Variants in RAI14 observed in about 807,000 individuals in gnomAD.
RAI14 encodes the protein ankycorbin.
A neutral mutation model predicts 115.4 loss-of-function variants in RAI14; 45 were observed. The ratio of observed to expected loss-of-function variants is 0.39; its 90% CI spans 0.31 to 0.50. RAI14 has a LOEUF of 0.50. RAI14 is among the 20% of genes least tolerant of loss of function. RAI14 has a pLI of 0.85. For missense variants in RAI14, 939 were observed against 1,131.2 expected (o/e 0.83, Z 2.44); for synonymous variants, 371 against 415.4 (o/e 0.89, Z 1.30).
intron 2 of RAI14, among the ~76,000 whole-genome samples, chr5:34,728,191 A>G (rs1743720126): frequency 6.6e-6 from 1 of 152,178 alleles, no homozygotes; most frequent in Admixed American, 6.5e-5. Context: ...CCCCCACTGT[A>G]TCTAGGAAGT....
intron 2 of RAI14, among the ~76,000 whole-genome samples, chr5:34,735,447 G>A (rs1259327576): frequency 6.6e-6 from 1 of 152,124 alleles, no homozygotes; most frequent in Non-Finnish European, 1.5e-5. Context: ...CATCATCTCT[G>A]AGTGTTAAAG....
intron 2 of RAI14, among the ~76,000 whole-genome samples, chr5:34,692,387 C>T (rs1738728342): frequency 6.6e-6 from 1 of 152,030 alleles, no homozygotes; most frequent in Non-Finnish European, 1.5e-5. Context: ...CTCACTCCTC[C>T]TTTCGTCACC....
chr5:34,799,685 A>ATTTTTTTTTTTTTTTTTTTT (rs57115550), intron 4 of RAI14, among the ~76,000 whole-genome samples: 9 of 103,396 alleles, frequency 8.7e-5, no homozygotes, highest in African/African-American at 2.8e-4. Flanking sequence ...ATCTGTTAGC[A>ATTTTTTTTTTTTTTTTTTTT]TTTTTTTTTT....
At position 34,791,255 on chromosome 5, in the gene RAI14, G is replaced by A. The variant is rs915297985; in HGVS notation, c.168-4684G>A. 6.6e-6 allele frequency among the ~76,000 whole-genome samples: 1 copy of A among 152,034 alleles called. No individual in the cohort carries two copies. Among genetic ancestry groups the A allele is most frequent in the African/African-American group, 2.4e-5 (1 of 41,388 alleles). On this transcript the variant is annotated intron_variant, in intron 3 of 17. Coordinates refer to ENST00000265109, the MANE Select transcript of RAI14 (RefSeq NM_015577.3). The surrounding 1 kb of genome is among the most constrained non-coding windows in gnomAD (Gnocchi z 5.4). ...TTTTAATATTTCTTTATTGAGTAGT[G>A]GGACCGTCTAGACTGTGTGCTGGCT... is the stretch of plus-strand genomic sequence containing the variant.
intron 2 of RAI14, among the ~76,000 whole-genome samples, chr5:34,739,968 A>C (rs1745303123): frequency 6.6e-6 from 1 of 152,152 alleles, no homozygotes; most frequent in Non-Finnish European, 1.5e-5. Flanking sequence ...GGCAGGAGGC[A>C]GGAGAATCCA....
chr5:34,826,190 A>G, intron 15 of RAI14, 140 bp from the exon 16 acceptor site: 1 of 655,786 alleles, frequency 1.5e-6, no homozygotes, highest in Non-Finnish European at 2.3e-6. Context: ...TTTTAATTTA[A>G]ATGTATTAAA....
intron 2 of RAI14, among the ~76,000 whole-genome samples, chr5:34,752,083 G>A (rs1342332139): frequency 1.3e-5 from 2 of 152,144 alleles, no homozygotes; most frequent in Non-Finnish European, 2.9e-5. Flanking sequence ...GTGACTGGGA[G>A]ACATCGCGTT....
chr5:34,674,710 G>T (rs529475875), intron 1 of RAI14, among the ~76,000 whole-genome samples: 1 of 150,536 alleles, frequency 6.6e-6, no homozygotes, highest in Non-Finnish European at 1.5e-5. Context: ...TCAGCCTCCC[G>T]AGTAGTAGCT....
rs917084686 is a variant in RAI14 at position 34,827,581 on chromosome 5, T to TA, written c.2799+1103dup. On this transcript the variant is annotated intron_variant, in intron 16 of 17. Coordinates refer to ENST00000265109, the MANE Select transcript of RAI14 (RefSeq NM_015577.3). The surrounding 1 kb of genome is among the most constrained non-coding windows in gnomAD (Gnocchi z 4.2). Reference sequence around the variant, plus strand: ...AGTGAATTCAGGTTTCTGCAGTCCTTACTCTGGCTGGCCACAAAGTTCAAT... The same window carrying TA: ...AGTGAATTCAGGTTTCTGCAGTCCTTAACTCTGGCTGGCCACAAAGTTCAAT... Among the ~76,000 whole-genome samples, 2 of 152,188 alleles carry TA rather than the reference T, an allele frequency of 1.3e-5. No homozygotes were observed. Among genetic ancestry groups the TA allele is most frequent in the Admixed American group, 1.3e-4 (2 of 15,268 alleles).
intron 2 of RAI14, chr5:34,716,841 T>A (rs1408577378): frequency 6.6e-6 from 1 of 152,240 alleles, no homozygotes; most frequent in Non-Finnish European, 1.5e-5. Context: ...CAGAAATCCA[T>A]GGAGAAGAGT....
intron 15 of RAI14, among the ~76,000 whole-genome samples, chr5:34,824,946 CAAA>C (rs1174399473): frequency 1.2e-4 from 8 of 66,548 alleles, no homozygotes; most frequent in African/African-American, 1.3e-4. Flanking sequence ...GACTTCATCT[CAAA>C]AAAAAAAAAA....
At chr5:34,779,673 G>A (rs143999915) in intron 3 of RAI14, among the ~76,000 whole-genome samples, 4,108 of 152,212 alleles carry the variant, frequency 0.027, 195 homozygotes, top group African/African-American at 0.093. Context: ...GGATGTGAAG[G>A]ACCTCTTCAA....
chr5:34,789,604 C>G (rs570793779), intron 3 of RAI14, among the ~76,000 whole-genome samples: 1 of 152,290 alleles, frequency 6.6e-6, no homozygotes, highest in Admixed American at 6.5e-5. Context: ...TTTCCCCTCT[C>G]TTCGTTTTTT....
At chr5:34,722,193 T>TTG (rs1742848271) in intron 2 of RAI14, among the ~76,000 whole-genome samples, 1 of 150,318 alleles carries the variant, frequency 6.7e-6, no homozygotes, top group Non-Finnish European at 1.5e-5. Flanking sequence ...AACCCCCAGT[T>TTG]CCTCAGACTG....
chr5:34,808,462 C>A, intron 6 of RAI14, 122 bp from the exon 7 acceptor site: 1 of 856,542 alleles, frequency 1.2e-6, no homozygotes, highest in Admixed American at 2.2e-5. Context: ...CTCTTCAATG[C>A]AACTAGAGTG....
At chr5:34,709,391 T>C (rs930531579) in intron 2 of RAI14, among the ~76,000 whole-genome samples, 1 of 152,134 alleles carries the variant, frequency 6.6e-6, no homozygotes, top group Non-Finnish European at 1.5e-5. Flanking sequence ...GAGGTTGCAG[T>C]GAGCTGAGAT....
chr5:34,757,850 A>G, intron 3 of RAI14: 1 of 277,726 alleles, frequency 3.6e-6, no homozygotes, highest in Non-Finnish European at 6.7e-6. Flanking sequence ...AACCAATTGT[A>G]GATGAGACAT....
At chr5:34,670,495 T>A (rs899221111) in intron 1 of RAI14, among the ~76,000 whole-genome samples, 1 of 152,322 alleles carries the variant, frequency 6.6e-6, no homozygotes, top group Admixed American at 6.5e-5. Flanking sequence ...TGCAAAGTAA[T>A]CTTTAAGGAT....
Position 34,822,575 on chromosome 5 carries a change from C to A in RAI14, c.1114-381C>A, listed in dbSNP as rs982218550. Among the ~76,000 whole-genome samples, 3 of 148,818 alleles carry A rather than the reference C, an allele frequency of 2.0e-5. No homozygotes were observed. In the East Asian group the frequency reaches 6.1e-4, roughly 30 times the overall value. ...TTTTCATGGCATGAGAATACACAGGCAAAGTGATCATGCTACTCTCCCGTA... is the reference window on the plus strand; with the variant it reads ...TTTTCATGGCATGAGAATACACAGGAAAAGTGATCATGCTACTCTCCCGTA... On this transcript the variant is annotated intron_variant, in intron 14 of 17. Coordinates refer to ENST00000265109, the MANE Select transcript of RAI14 (RefSeq NM_015577.3).
Sources: allele counts gnomAD v4.1 joint callset (sites outside exome capture counted in the v4.1 genomes callset), GRCh38; gene constraint gnomAD v4.1.1; non-coding constraint Gnocchi (gnomAD v3.1); transcripts MANE v1.5; gene names NCBI Gene and HGNC (gene_info 2026-07-23, HGNC 2026-07-21).